The following RGL1 variants were observed in gnomAD, a reference collection of about 807,000 sequenced individuals.
The protein encoded by RGL1 is ral guanine nucleotide dissociation stimulator-like 1.
In RGL1, 24 loss-of-function variants were observed where a neutral mutation model predicts 95.2. The ratio of observed to expected loss-of-function variants is 0.25; its 90% CI spans 0.18 to 0.35. The LOEUF is 0.35. Ranked by LOEUF, RGL1 falls within the 10% of genes least tolerant of loss-of-function variation. The pLI is 1.00. For synonymous variants in RGL1, 329 were observed against 344.9 expected (o/e 0.95, Z 0.51); for missense variants, 715 against 936.3 (o/e 0.76, Z 3.08).
upstream of RGL1, among the ~76,000 whole-genome samples, chr1:183,804,476 A>C (rs1055951425): frequency 2.0e-5 from 3 of 152,254 alleles, no homozygotes; most frequent in African/African-American, 7.2e-5. Flanking sequence ...GTGTCCCTAC[A>C]GTACAGGCAA....
chr1:183,670,465 A>C (rs1652365986), intron 1 of RGL1, among the ~76,000 whole-genome samples: 2 of 152,190 alleles, frequency 1.3e-5, no homozygotes, highest in South Asian at 4.1e-4. Context: ...AAAACGCATA[A>C]AAGTGTGGAA....
chr1:183,892,398 G>A (rs1461965469), intron 9 of RGL1, among the ~76,000 whole-genome samples: 3 of 152,182 alleles, frequency 2.0e-5, no homozygotes, highest in Non-Finnish European at 4.4e-5. Flanking sequence ...CAAGCAGATT[G>A]TGAAACTTGA....
intron 2 of RGL1, chr1:183,742,377 G>C: frequency 6.7e-7 from 1 of 1,497,440 alleles, no homozygotes; most frequent in Admixed American, 1.7e-5. Flanking sequence ...AGCACCACAG[G>C]CCAGCTTGGC....
intron 1 of RGL1, among the ~76,000 whole-genome samples, chr1:183,672,204 A>G (rs948936919): frequency 4.6e-5 from 7 of 152,120 alleles, no homozygotes; most frequent in Non-Finnish European, 1.0e-4. Flanking sequence ...AAGTGCTGGG[A>G]TTACAAGCAT....
intron 1 of RGL1, among the ~76,000 whole-genome samples, chr1:183,663,889 A>T (rs1651840834): frequency 6.6e-6 from 1 of 151,558 alleles, no homozygotes; most frequent in Non-Finnish European, 1.5e-5. Context: ...AGCCATAAAA[A>T]ATGATGAGTT....
At chr1:183,811,831 G>A (rs1236107868) in intron 2 of RGL1, among the ~76,000 whole-genome samples, 1 of 152,148 alleles carries the variant, frequency 6.6e-6, no homozygotes, top group Non-Finnish European at 1.5e-5. Flanking sequence ...ATAAATATAA[G>A]AGGCACATTA....
intron 1 of RGL1, among the ~76,000 whole-genome samples, chr1:183,644,808 G>T (rs1650172630): frequency 6.6e-6 from 1 of 152,112 alleles, no homozygotes; most frequent in Non-Finnish European, 1.5e-5. Flanking sequence ...TTTGCTGTCC[G>T]ATCAGCAGGA....
chr1:183,905,139 A>G (rs1419950502), intron 13 of RGL1, among the ~76,000 whole-genome samples, 168 bp downstream of exon 13: 1 of 152,188 alleles, frequency 6.6e-6, no homozygotes, highest in African/African-American at 2.4e-5. Flanking sequence ...GGCTGAGTTG[A>G]TAGCATCAAG....
At chr1:183,880,557 G>T in intron 4 of RGL1, 59 bp from the exon 5 acceptor site, 1 of 1,548,476 alleles carries the variant, frequency 6.5e-7, no homozygotes, top group Non-Finnish European at 8.9e-7. Context: ...GGTGTCCAGG[G>T]ATTGCTTTGC....
At chr1:183,736,040 A>G (rs1347884196) in intron 1 of RGL1, among the ~76,000 whole-genome samples, 1 of 152,236 alleles carries the variant, frequency 6.6e-6, no homozygotes, top group East Asian at 1.9e-4. Context: ...TCCAAATAGC[A>G]GCTTTAAAAA....
At chr1:183,759,549 T>G (rs1658540843) in intron 2 of RGL1, among the ~76,000 whole-genome samples, 1 of 152,230 alleles carries the variant, frequency 6.6e-6, no homozygotes, top group South Asian at 2.1e-4. Context: ...TGTAAAGTTT[T>G]TAAAGACATC....
intron 1 of RGL1, among the ~76,000 whole-genome samples, chr1:183,710,615 G>A (rs1655202445): frequency 2.0e-5 from 3 of 152,170 alleles, no homozygotes; most frequent in Non-Finnish European, 1.5e-5. Context: ...GAGGCCTCAG[G>A]AAACTTACAA....
At chr1:183,900,802 C>T (rs567030412) in intron 11 of RGL1, among the ~76,000 whole-genome samples, 10 of 152,094 alleles carry the variant, frequency 6.6e-5, no homozygotes, top group Admixed American at 5.2e-4. Context: ...CCACTGCACC[C>T]GGCCCACAAT....
Position 183,888,497 on chromosome 1 carries a change from T to C in RGL1, c.975T>C (p.Phe325=), listed in dbSNP as rs769429631. Residue 325 remains phenylalanine, a synonymous_variant, in exon 8 of 18, where the codon TTT becomes TTC. Transcript: ENST00000360851. ...IAHECRLLKN[F]SSLRAIVSAL... ...AGGAATGTAGACTCCTGAAGAATTT[T>C]TCCTCCTTGAGGGCCATCGTTTCGG... 4 of 1,612,258 alleles carry C rather than the reference T, an allele frequency of 2.5e-6. No homozygotes were observed. Among genetic ancestry groups the C allele is most frequent in the Non-Finnish European group, 3.4e-6 (4 of 1,178,428 alleles).
Position 183,815,735 on chromosome 1 carries a change from G to A in RGL1, c.138+9250G>A, listed in dbSNP as rs1306707067. Among the ~76,000 whole-genome samples, 11 of 152,276 alleles carry A rather than the reference G, an allele frequency of 7.2e-5. No individual in the cohort carries two copies. The East Asian group carries it at 2.1e-3, about 29-fold the overall frequency. ...GGCCTGAGCTCCTTACCTGTAACGG[G>A]GAGAATAGCAGTGCCTTCCTGATGG... On this transcript the variant is annotated intron_variant, in intron 2 of 17. Coordinates refer to ENST00000360851, the MANE Select transcript of RGL1 (RefSeq NM_001297671.3).
intron 2 of RGL1, among the ~76,000 whole-genome samples, chr1:183,811,500 T>C (rs955999512): frequency 6.6e-6 from 1 of 152,224 alleles, no homozygotes; most frequent in Non-Finnish European, 1.5e-5. Context: ...TAATTTAGGC[T>C]TTAGAAAGTA....
chr1:183,854,758 T>C (rs1665032166), intron 3 of RGL1, among the ~76,000 whole-genome samples: 1 of 152,210 alleles, frequency 6.6e-6, no homozygotes. Context: ...AGTTTTGCAC[T>C]CCTTACTTGC....
At chr1:183,855,690 AG>A (rs1665094683) in intron 3 of RGL1, among the ~76,000 whole-genome samples, 1 of 152,236 alleles carries the variant, frequency 6.6e-6, no homozygotes, top group Non-Finnish European at 1.5e-5. Flanking sequence ...TTATGGTCCC[AG>A]TGTCGCCTCT....
chr1:183,750,643 T>C (rs1414261834), intron 2 of RGL1, among the ~76,000 whole-genome samples: 1 of 152,238 alleles, frequency 6.6e-6, no homozygotes. Flanking sequence ...AGAGGCATTC[T>C]GGTTTTTGGA....
Sources: allele counts gnomAD v4.1 joint callset (sites outside exome capture counted in the v4.1 genomes callset), GRCh38; gene constraint gnomAD v4.1.1; transcripts MANE v1.5; gene names NCBI Gene and HGNC (gene_info 2026-07-23, HGNC 2026-07-21).